The following PRDM10 variants were observed in gnomAD, a reference collection of about 807,000 sequenced individuals.
PRDM10 encodes PR domain zinc finger protein 10.
Under a neutral mutation model 133.1 loss-of-function variants are expected in PRDM10, and 65 were observed. The ratio of observed to expected loss-of-function variants is 0.49; its 90% CI spans 0.40 to 0.60. The LOEUF is 0.60. Among genes scored for constraint, PRDM10 ranks in the 20% least tolerant of loss-of-function variants. The pLI is 0.00. For synonymous variants in PRDM10, 582 were observed against 580.4 expected (o/e 1.00, Z -0.04); for missense variants, 1,137 against 1,507.1 (o/e 0.75, Z 4.07).
intron 1 of PRDM10, among the ~76,000 whole-genome samples, chr11:129,986,118 G>A (rs1591697398): frequency 6.6e-6 from 1 of 152,146 alleles, no homozygotes; most frequent in South Asian, 2.1e-4. Flanking sequence ...CCTCCAACCT[G>A]TATTAGTTAA....
rs1951246881 is a variant in PRDM10 at position 129,942,570 on chromosome 11, C to T, written c.822G>A (p.Glu274=). 1 of 1,614,106 alleles carries T rather than the reference C, an allele frequency of 6.2e-7. No homozygotes were observed. Among genetic ancestry groups the T allele is most frequent in the Non-Finnish European group, 8.5e-7 (1 of 1,180,026 alleles). The change falls in exon 7 of 21, where the codon GAG becomes GAA. Residue 274 remains glutamate, a synonymous_variant. Coordinates refer to ENST00000360871, the MANE Select transcript of PRDM10 (RefSeq NM_199437.2). ...ERDLHEDLWF[E]LSDETLCNWM... ...AGTTACAAAGCGTCTCATCAGACAACTCAAACCATAGGTCTTCATGTAAAT... is the reference window on the plus strand; with the variant it reads ...AGTTACAAAGCGTCTCATCAGACAATTCAAACCATAGGTCTTCATGTAAAT...
chr11:129,989,351 G>A (rs1938606326), intron 1 of PRDM10, among the ~76,000 whole-genome samples: 1 of 152,154 alleles, frequency 6.6e-6, no homozygotes, highest in African/African-American at 2.4e-5. Flanking sequence ...TCTCAGCTAT[G>A]AATAATGAAT....
chr11:129,998,310 G>A (rs1283740263), intron 1 of PRDM10, among the ~76,000 whole-genome samples: 2 of 151,630 alleles, frequency 1.3e-5, no homozygotes, highest in African/African-American at 2.4e-5. Context: ...CTGATTTCTA[G>A]AAATCACAGC....
At chr11:129,969,276 C>T (rs1419276478) in intron 1 of PRDM10, among the ~76,000 whole-genome samples, 3 of 152,132 alleles carry the variant, frequency 2.0e-5, no homozygotes, top group African/African-American at 4.8e-5. Flanking sequence ...CAATTAGTCT[C>T]CATTTAAAGA....
intron 1 of PRDM10, among the ~76,000 whole-genome samples, chr11:129,988,570 G>A (rs1029242934): frequency 1.3e-5 from 2 of 150,654 alleles, no homozygotes; most frequent in African/African-American, 4.9e-5. Context: ...TGCATGGTAT[G>A]TAAATTTTAT....
chr11:129,920,709 C>T (rs547290808), intron 13 of PRDM10, among the ~76,000 whole-genome samples: 1 of 151,990 alleles, frequency 6.6e-6, no homozygotes, highest in South Asian at 2.1e-4. Flanking sequence ...TCTCCCTTTC[C>T]CTAGCTGGCA....
intron 3 of PRDM10, among the ~76,000 whole-genome samples, chr11:129,955,914 A>G (rs562585024): frequency 3.9e-5 from 6 of 152,216 alleles, no homozygotes; most frequent in Admixed American, 6.5e-5. Flanking sequence ...AAGGGTTCAC[A>G]GGTTCACACA....
intron 13 of PRDM10, among the ~76,000 whole-genome samples, chr11:129,920,308 C>T (rs189152065): frequency 6.2e-4 from 94 of 152,236 alleles, no homozygotes; most frequent in African/African-American, 1.9e-3. Context: ...AAACCAAATC[C>T]GCTATCTGCC....
At chr11:129,981,663 A>T (rs937827919) in intron 1 of PRDM10, among the ~76,000 whole-genome samples, 3 of 152,048 alleles carry the variant, frequency 2.0e-5, no homozygotes, top group African/African-American at 7.2e-5. Context: ...TGGGAGGCCG[A>T]GGTGGGTAGA....
chr11:129,960,821 G>T, intron 2 of PRDM10, 75 bp downstream of exon 2: 2 of 1,472,604 alleles, frequency 1.4e-6, no homozygotes, highest in Non-Finnish European at 1.9e-6. Context: ...GATAGCAGCT[G>T]TATTTCTTTG....
Position 129,979,754 on chromosome 11 carries a change from A to T in PRDM10, c.-118-18672T>A, listed in dbSNP as rs540716597. ...ATTCTGCCCCTCCTGTTCTAACTGCACGTCCCCATCCCTTCCTGGCCTCGG... is the reference window on the plus strand; with the variant it reads ...ATTCTGCCCCTCCTGTTCTAACTGCTCGTCCCCATCCCTTCCTGGCCTCGG... On this transcript the variant is annotated intron_variant, in intron 1 of 20. Transcript: ENST00000360871. Among the ~76,000 whole-genome samples, 3 of 151,810 alleles carry T rather than the reference A, an allele frequency of 2.0e-5. No homozygotes were observed. The South Asian group carries it at 6.3e-4, about 32-fold the overall frequency.
chr11:129,975,205 T>A (rs1177602897), intron 1 of PRDM10, among the ~76,000 whole-genome samples: 1 of 152,110 alleles, frequency 6.6e-6, no homozygotes, highest in African/African-American at 2.4e-5. Flanking sequence ...GGCAGGTGAA[T>A]CACCTGAGGT....
intron 17 of PRDM10, among the ~76,000 whole-genome samples, chr11:129,913,754 G>A (rs1950265253): frequency 6.6e-6 from 1 of 152,122 alleles, no homozygotes; most frequent in Non-Finnish European, 1.5e-5. Flanking sequence ...AATAGTCAAC[G>A]ACAGTGGCAA....
At chr11:129,990,766 C>A (rs965819976) in intron 1 of PRDM10, among the ~76,000 whole-genome samples, 11 of 152,278 alleles carry the variant, frequency 7.2e-5, no homozygotes, top group African/African-American at 2.6e-4. Context: ...AGCCACTATG[C>A]CCGGGTCCTC....
At chr11:129,980,982 C>G (rs931963760) in intron 1 of PRDM10, among the ~76,000 whole-genome samples, 1 of 150,146 alleles carries the variant, frequency 6.7e-6, no homozygotes, top group African/African-American at 2.5e-5. Flanking sequence ...ATTGATTCTC[C>G]TGCCTCAGCC....
At chr11:129,972,111 C>G (rs1369738870) in intron 1 of PRDM10, among the ~76,000 whole-genome samples, 1 of 152,256 alleles carries the variant, frequency 6.6e-6, no homozygotes, top group Non-Finnish European at 1.5e-5. Flanking sequence ...GCTGGCTGCT[C>G]CGAGTGTGGG....
chr11:129,921,390 A>G (rs866217839), intron 13 of PRDM10, among the ~76,000 whole-genome samples: 1 of 152,190 alleles, frequency 6.6e-6, no homozygotes, highest in Non-Finnish European at 1.5e-5. Flanking sequence ...CAAAGGCCCA[A>G]GGAGAGAGAG....
intron 11 of PRDM10, among the ~76,000 whole-genome samples, chr11:129,929,033 G>A (rs541920082): frequency 1.3e-5 from 2 of 152,194 alleles, no homozygotes; most frequent in South Asian, 2.1e-4. Flanking sequence ...ACACCTAACT[G>A]TAAACTCCCC....
At chr11:129,939,287 T>C (rs1428315263) in intron 7 of PRDM10, among the ~76,000 whole-genome samples, 1 of 152,252 alleles carries the variant, frequency 6.6e-6, no homozygotes, top group Non-Finnish European at 1.5e-5. Flanking sequence ...ACCAAATGAA[T>C]TAATCATATA....
Sources: gnomAD v4.1 joint callset for allele counts (sites outside exome capture counted in the v4.1 genomes callset) on GRCh38, gnomAD v4.1.1 for gene constraint, MANE v1.5 for transcripts, NCBI Gene and HGNC (gene_info 2026-07-23, HGNC 2026-07-21) for gene names.